NCOA2: variants seen among roughly 807,000 people sequenced by gnomAD.
The protein encoded by NCOA2 is class E basic helix-loop-helix protein 75.
Under a neutral mutation model 145.1 loss-of-function variants are expected in NCOA2, and 21 were observed. That is an observed-to-expected ratio of 0.14 (90% CI 0.10 to 0.21). NCOA2 has a LOEUF of 0.21. NCOA2 is among the 10% of genes least tolerant of loss of function. The pLI, the probability that NCOA2 is intolerant of heterozygous loss-of-function variation, is 1.00. For synonymous variants in NCOA2, 619 were observed against 637.5 expected, an observed-to-expected ratio of 0.97 and a Z score of 0.44; for missense variants, 1,472 against 1,837.6, an observed-to-expected ratio of 0.80 and a Z score of 3.64.
intron 22 of NCOA2, among the ~76,000 whole-genome samples, chr8:70,117,244 G>A (rs992050661): frequency 6.6e-6 from 1 of 152,222 alleles, no homozygotes; most frequent in Non-Finnish European, 1.5e-5. Context: ...ACCTTGATTG[G>A]TCTGGGTCAC....
intron 2 of NCOA2, among the ~76,000 whole-genome samples, chr8:70,233,736 T>C (rs1821352331): frequency 6.6e-6 from 1 of 152,218 alleles, no homozygotes; most frequent in Non-Finnish European, 1.5e-5. Context: ...TAGGTCCTCC[T>C]CTTACATAAT....
At chr8:70,310,443 T>C (rs190600764) in intron 1 of NCOA2, among the ~76,000 whole-genome samples, 1 of 152,086 alleles carries the variant, frequency 6.6e-6, no homozygotes, top group East Asian at 1.9e-4. Flanking sequence ...CCACAAAAAG[T>C]TATTTGTAGT....
chr8:70,112,000 T>A lies in NCOA2; in HGVS notation c.*1632A>T, dbSNP rs1806578599. Reference sequence around the variant, plus strand: ...GTTGTCTGAAACTGACACCTATTAATAAAAGATTTTTCCCCTACCAGAGTG... The same window carrying A: ...GTTGTCTGAAACTGACACCTATTAAAAAAAGATTTTTCCCCTACCAGAGTG... On this transcript the variant is annotated 3_prime_UTR_variant, in exon 23 of 23. Transcript: ENST00000452400. 4.6e-6 allele frequency: 1 copy of A among 218,316 alleles called. No individual in the cohort carries two copies. Among genetic ancestry groups the A allele is most frequent in the South Asian group, 1.9e-4 (1 of 5,388 alleles). The allele number at this position is 218,316 out of a possible 1,614,324, so 13.5% of individuals were successfully genotyped here.
intron 2 of NCOA2, among the ~76,000 whole-genome samples, chr8:70,226,799 A>G (rs1820694058): frequency 6.6e-6 from 1 of 151,910 alleles, no homozygotes; most frequent in Admixed American, 6.6e-5. Context: ...AACTATATGG[A>G]CTTCTCATGT....
chr8:70,126,054 GA>G (rs1266228145), intron 19 of NCOA2, among the ~76,000 whole-genome samples: 1 of 152,150 alleles, frequency 6.6e-6, no homozygotes, highest in Non-Finnish European at 1.5e-5. Flanking sequence ...GTTCTTTAAA[GA>G]AACAGGAGAC....
intron 10 of NCOA2, among the ~76,000 whole-genome samples, chr8:70,159,244 T>TATATATATATATATATATA: frequency 2.6e-4 from 18 of 69,262 alleles, no homozygotes; most frequent in Admixed American, 3.7e-4. Flanking sequence ...ATATATATAT[T>TATATATATATATATATATA]TTTTTTTTTT....
At chr8:70,125,878 G>A (rs1482736238) in intron 19 of NCOA2, among the ~76,000 whole-genome samples, 1 of 152,192 alleles carries the variant, frequency 6.6e-6, no homozygotes, top group Non-Finnish European at 1.5e-5. Flanking sequence ...AGGAAATAGA[G>A]AAAGGAGCTG....
chr8:70,279,097 T>G (rs979256780), intron 2 of NCOA2, among the ~76,000 whole-genome samples: 3 of 152,034 alleles, frequency 2.0e-5, no homozygotes, highest in African/African-American at 7.3e-5. Flanking sequence ...GCCTTACCAA[T>G]CTCCATAATC....
At chr8:70,200,823 C>T (rs1339546799) in intron 4 of NCOA2, among the ~76,000 whole-genome samples, 4 of 151,742 alleles carry the variant, frequency 2.6e-5, no homozygotes, top group East Asian at 3.9e-4. Context: ...TTTGGGAGGT[C>T]GAGGTGGGAG....
At chr8:70,389,793 C>T (rs937651708) in intron 1 of NCOA2, among the ~76,000 whole-genome samples, 7 of 151,666 alleles carry the variant, frequency 4.6e-5, no homozygotes, top group African/African-American at 1.5e-4. Flanking sequence ...CTCAGCCTCC[C>T]GAGTAGCTGG....
chr8:70,418,541 C>T, the NCOA2 span, among the ~76,000 whole-genome samples: 2 of 152,172 alleles, frequency 1.3e-5, no homozygotes, highest in Non-Finnish European at 2.9e-5. Context: ...TCAGTGGATG[C>T]CACTGCTAAA....
rs1280242633 is a variant in NCOA2 at position 70,144,837 on chromosome 8, G to C, written c.2617C>G (p.Pro873Ala). Residue 873 changes from proline to alanine, a missense_variant, in exon 13 of 23, where the codon CCA becomes GCA. Physicochemically the swap from Pro to Ala is conservative, Grantham distance 27 (BLOSUM62 -1). Around this residue, in one of 4 missense-constraint regions of NCOA2, gnomAD observed 953 missense variants for 1,062.1 expected, o/e 0.90. Coordinates refer to ENST00000452400, the MANE Select transcript of NCOA2 (RefSeq NM_006540.4). ...AACCTGCCCAGTTGCCCTGGTCGTG[G>C]GTTATTAAAAGCTAAGGAGAAAACA... is the stretch of plus-strand genomic sequence containing the variant. The part of the protein sequence containing the change: ...LRISQSTFNN[P>A]RPGQLGRLLP... 6.2e-7 allele frequency: 1 copy of C among 1,613,640 alleles called. No homozygotes were observed. The highest frequency in any genetic ancestry group is 8.5e-7 in the Non-Finnish European group (1 of 1,179,798).
At chr8:70,429,699 G>A in the NCOA2 span, among the ~76,000 whole-genome samples, 277 of 152,320 alleles carry the variant, frequency 1.8e-3, 5 homozygotes, top group African/African-American at 6.4e-3. Flanking sequence ...TAATACATAT[G>A]AGGTTTTAAA....
chr8:70,328,743 T>C (rs1331920867), intron 1 of NCOA2, among the ~76,000 whole-genome samples: 1 of 152,120 alleles, frequency 6.6e-6, no homozygotes, highest in East Asian at 1.9e-4. Flanking sequence ...TGCATTTCTC[T>C]GGTGTCAAAC....
chr8:70,338,128 T>TAA (rs375608788), intron 1 of NCOA2, among the ~76,000 whole-genome samples: 3,046 of 150,610 alleles, frequency 0.02, 123 homozygotes, highest in African/African-American at 0.071. Flanking sequence ...AAAAAACCCT[T>TAA]AAAAAAAAAT....
At chr8:70,140,272 C>T (rs1810238185) in intron 14 of NCOA2, among the ~76,000 whole-genome samples, 1 of 152,196 alleles carries the variant, frequency 6.6e-6, no homozygotes, top group Admixed American at 6.5e-5. Flanking sequence ...CCTACCTGAG[C>T]CCCTCCCCAC....
intron 1 of NCOA2, among the ~76,000 whole-genome samples, chr8:70,338,239 C>T (rs1239608289): frequency 2.0e-5 from 3 of 152,092 alleles, no homozygotes; most frequent in East Asian, 1.9e-4. Context: ...CAAATAAGCA[C>T]AATCAGAAAT....
intron 2 of NCOA2, among the ~76,000 whole-genome samples, chr8:70,239,651 A>G (rs1821952303): frequency 1.3e-5 from 2 of 152,176 alleles, no homozygotes. Context: ...GCCAGGGTCT[A>G]GAGGGATGGC....
chr8:70,141,375 C>G lies in NCOA2; in HGVS notation c.2837G>C (p.Arg946Pro). ...CCATTCTCCAGATGGCATAGTAGGC[C>G]GAGAAGCACTGTTACCAATCATTCC... ...STGMIGNSAS[R>P]PTMPSGEWAP... The change falls in exon 14 of 23, where the codon CGG becomes CCG. Residue 946 changes from arginine (R) to proline (P), a missense_variant. This residue lies in a region of NCOA2 where 953 missense variants were observed against 1,062.1 expected (regional missense o/e 0.90). Coordinates refer to ENST00000452400, the MANE Select transcript of NCOA2 (RefSeq NM_006540.4). 1 of 1,613,682 alleles carries G rather than the reference C, an allele frequency of 6.2e-7. No individual in the cohort carries two copies. The highest frequency in any genetic ancestry group is 8.5e-7 in the Non-Finnish European group (1 of 1,179,778).
Sources: gnomAD v4.1 joint callset for allele counts (sites outside exome capture counted in the v4.1 genomes callset) on GRCh38, gnomAD v4.1.1 for gene constraint, gnomAD v4.1.1 regional missense constraint, MANE v1.5 for transcripts, NCBI Gene and HGNC (gene_info 2026-07-23, HGNC 2026-07-21) for gene names.